Variants in HBS1L observed in about 807,000 individuals in gnomAD.
HBS1L encodes the protein HBS1 like translational GTPase.
In HBS1L, 55 loss-of-function variants were observed where a neutral mutation model predicts 88.9. That is an observed-to-expected ratio of 0.62 (90% CI 0.50 to 0.77). The LOEUF is 0.77. Ranked by LOEUF, HBS1L falls within the 30% of genes least tolerant of loss-of-function variation. HBS1L has a pLI of 0.00. For synonymous variants in HBS1L, 267 were observed against 288.5 expected, an observed-to-expected ratio of 0.93 and a Z score of 0.76; for missense variants, 741 against 829.3, an observed-to-expected ratio of 0.89 and a Z score of 1.31.
intron 8 of HBS1L, among the ~76,000 whole-genome samples, chr6:134,993,557 A>G (rs986127211): frequency 6.6e-6 from 1 of 152,216 alleles, no homozygotes; most frequent in Admixed American, 6.5e-5. Context: ...TCTTTGTAAG[A>G]AATTTTAAAA....
chr6:134,981,765 T>G (rs1273301596), intron 13 of HBS1L, among the ~76,000 whole-genome samples: 2 of 151,782 alleles, frequency 1.3e-5, no homozygotes, highest in African/African-American at 2.4e-5. Context: ...AAAGTTTTAG[T>G]CAAAATCTGG....
intron 4 of HBS1L, among the ~76,000 whole-genome samples, chr6:135,003,822 AC>A (rs776403941): frequency 4.6e-5 from 7 of 152,076 alleles, no homozygotes; most frequent in Non-Finnish European, 8.8e-5. Flanking sequence ...CCAATATTGC[AC>A]CACTGCACTC....
At chr6:134,999,099 T>A (rs1175928284) in intron 5 of HBS1L, among the ~76,000 whole-genome samples, 4 of 152,230 alleles carry the variant, frequency 2.6e-5, no homozygotes, top group African/African-American at 9.6e-5. Context: ...AGTGATCTAC[T>A]GTGACTAGAC....
chr6:135,039,444 T>TA, intron 4 of HBS1L, 129 bp downstream of exon 4: 1 of 740,020 alleles, frequency 1.4e-6, no homozygotes, highest in South Asian at 1.9e-5. Context: ...AATCAAAAGT[T>TA]AACAATAACA....
At chr6:134,978,822 G>A (rs1253243781) in intron 14 of HBS1L, 35 bp from the exon 15 acceptor site, 2 of 1,252,236 alleles carry the variant, frequency 1.6e-6, no homozygotes, top group Non-Finnish European at 2.3e-6. Context: ...AAAGGTAATT[G>A]GGGGACAAAT....
chr6:134,966,434 C>A lies in HBS1L; in HGVS notation c.1938G>T (p.Gln646His). The A allele has an allele frequency of 6.2e-7, 1 of 1,610,820 alleles. No homozygotes were observed. The highest frequency in any genetic ancestry group is 8.5e-7 in the Non-Finnish European group (1 of 1,178,402). The change falls in exon 17 of 18, where the codon CAG (glutamine) becomes CAT (histidine). Residue 646 changes from glutamine to histidine, a missense_variant. Gln to His is a conservative substitution (Grantham distance 24). Coordinates refer to ENST00000367837, the MANE Select transcript of HBS1L (RefSeq NM_006620.4). The stretch of plus-strand genomic sequence containing the variant: ...GCTCAAGAGCTATTGGTCTTTGTGT[C>A]TGTAGCTCTACCAATGCATTCTGGC... Reference protein sequence around the residue: ...TKGQNALVELQTQRPIALELY... With the variant: ...TKGQNALVELHTQRPIALELY...
intron 4 of HBS1L, among the ~76,000 whole-genome samples, chr6:135,009,558 A>C (rs1019063078): frequency 1.3e-5 from 2 of 152,206 alleles, no homozygotes; most frequent in African/African-American, 2.4e-5. Flanking sequence ...TTTTCAAAAA[A>C]AAAGATCTTT....
chr6:134,972,816 T>C (rs933024262), intron 15 of HBS1L, among the ~76,000 whole-genome samples: 2 of 152,230 alleles, frequency 1.3e-5, no homozygotes, highest in African/African-American at 2.4e-5. Context: ...CATGAAAAGA[T>C]GTTCAGCATC....
intron 4 of HBS1L, among the ~76,000 whole-genome samples, chr6:135,027,716 T>C (rs1015089570): frequency 2.6e-5 from 4 of 152,184 alleles, no homozygotes; most frequent in African/African-American, 7.2e-5. Context: ...GCTAGTTCCA[T>C]GAGTGTTTAT....
intron 15 of HBS1L, among the ~76,000 whole-genome samples, chr6:134,972,183 T>C (rs1774509994): frequency 6.6e-6 from 1 of 152,088 alleles, no homozygotes; most frequent in South Asian, 2.1e-4. Flanking sequence ...TGTAGGGTTA[T>C]GAGAATCAAA....
chr6:135,047,134 G>A (rs1013650535), intron 2 of HBS1L, among the ~76,000 whole-genome samples: 11 of 152,250 alleles, frequency 7.2e-5, no homozygotes, highest in Non-Finnish European at 1.6e-4. Context: ...CACATCAAAA[G>A]CTATGAGAGA....
In HBS1L at chr6:134,980,123, A is replaced by C. The variant is rs1253288160; in HGVS notation, c.1598-855T>G. On this transcript the variant is annotated intron_variant, in intron 13 of 17. Coordinates refer to ENST00000367837, the MANE Select transcript of HBS1L (RefSeq NM_006620.4). ...GAAATGTAGGCCTTTTGACAAAGAG[A>C]ATGTGTAGGCCAACCACTGTGGATA... Among the ~76,000 whole-genome samples the C allele has an allele frequency of 2.6e-5, 4 of 151,972 alleles. No individual in the cohort carries two copies. In the East Asian group the frequency reaches 7.7e-4, roughly 29 times the overall value.
At chr6:135,011,512 A>G (rs1775773365) in intron 4 of HBS1L, among the ~76,000 whole-genome samples, 1 of 152,186 alleles carries the variant, frequency 6.6e-6, no homozygotes, top group African/African-American at 2.4e-5. Context: ...AGAGCGAGGC[A>G]TTGTCTCTTT....
At chr6:135,038,508 C>G (rs1218594442) in intron 4 of HBS1L, among the ~76,000 whole-genome samples, 1 of 152,168 alleles carries the variant, frequency 6.6e-6, no homozygotes, top group East Asian at 1.9e-4. Flanking sequence ...AGACTCATTC[C>G]CATCACAGCC....
chr6:134,997,311 G>T, intron 6 of HBS1L, 86 bp downstream of exon 6: 1 of 1,506,048 alleles, frequency 6.6e-7, no homozygotes, highest in Non-Finnish European at 9.1e-7. Flanking sequence ...CACCCATGGA[G>T]AAACTCAGAG....
Position 134,969,056 on chromosome 6 carries a change from A to C in HBS1L, c.1898+182T>G, listed in dbSNP as rs914380822. On this transcript the variant is annotated intron_variant, in intron 16 of 17. Coordinates refer to ENST00000367837, the MANE Select transcript of HBS1L (RefSeq NM_006620.4). ...AAATTATATCTAGTACCCATATCTAAACAAGAGCTTAAATACTTGCTTGTT... is the reference window on the plus strand; with the variant it reads ...AAATTATATCTAGTACCCATATCTACACAAGAGCTTAAATACTTGCTTGTT... Among the ~76,000 whole-genome samples, 5 of 152,328 alleles carry C rather than the reference A, an allele frequency of 3.3e-5. No individual in the cohort carries two copies. In the South Asian group the frequency reaches 6.2e-4, roughly 19 times the overall value.
chr6:134,966,222 A>G, intron 17 of HBS1L, 107 bp downstream of exon 17: 2 of 986,934 alleles, frequency 2.0e-6, no homozygotes, highest in East Asian at 2.5e-5. Context: ...CTCCTAATCA[A>G]TGCTTTTTCT....
intron 12 of HBS1L, among the ~76,000 whole-genome samples, chr6:134,983,856 GAGGTCAGAGATAGAC>G (rs763628565): frequency 3.3e-5 from 5 of 152,248 alleles, no homozygotes; most frequent in East Asian, 1.9e-4. Context: ...AAGATATAGA[GAGGTCAGAGATAGAC>G]AGGTCAGAGA....
At chr6:135,034,701 A>G (rs1471445290) in intron 4 of HBS1L, among the ~76,000 whole-genome samples, 1 of 152,224 alleles carries the variant, frequency 6.6e-6, no homozygotes, top group East Asian at 1.9e-4. Context: ...TCCAAGGAAT[A>G]CTAATAATAT....
Sources: gnomAD v4.1 joint callset for allele counts (sites outside exome capture counted in the v4.1 genomes callset) on GRCh38, gnomAD v4.1.1 for gene constraint, MANE v1.5 for transcripts, NCBI Gene and HGNC (gene_info 2026-07-23, HGNC 2026-07-21) for gene names.